The following MYOM3 variants were observed in gnomAD, a reference collection of about 807,000 sequenced individuals.
The protein encoded by MYOM3 is myomesin-3.
Under a neutral mutation model 191.7 loss-of-function variants are expected in MYOM3, and 155 were observed. That is an observed-to-expected ratio of 0.81 (90% CI 0.71 to 0.92). The LOEUF (loss-of-function observed/expected upper bound fraction) is 0.92, where lower values mean the gene tolerates loss of function less well. Among genes scored for constraint, MYOM3 ranks in the 40% least tolerant of loss-of-function variants. The pLI is 0.00. For synonymous variants in MYOM3, 757 were observed against 762.9 expected (o/e 0.99, Z 0.13); for missense variants, 1,889 against 1,890.6 (o/e 1.00, Z 0.02).
intron 15 of MYOM3, 82 bp from the exon 16 acceptor site, chr1:24,084,721 G>GCTCCTTCTGGCCTCTCCCC: frequency 7.6e-7 from 1 of 1,309,850 alleles, no homozygotes; most frequent in Non-Finnish European, 1.1e-6. Context: ...AGCATGGGGA[G>GCTCCTTCTGGCCTCTCCCC]AGGCCAGAAG....
intron 27 of MYOM3, 39 bp from the exon 28 acceptor site, chr1:24,067,127 C>G: frequency 1.3e-6 from 2 of 1,550,784 alleles, no homozygotes; most frequent in Non-Finnish European, 1.7e-6. Flanking sequence ...GTCAGAGAGC[C>G]AGGCTCAGCC....
intron 22 of MYOM3, among the ~76,000 whole-genome samples, chr1:24,074,758 T>A (rs373996664): frequency 6.6e-6 from 1 of 152,178 alleles, no homozygotes; most frequent in African/African-American, 2.4e-5. Flanking sequence ...TAGAGGCACA[T>A]ACAATTCCCT....
intron 14 of MYOM3, 73 bp from the exon 15 acceptor site, chr1:24,086,900 T>C (rs1367674609): frequency 6.8e-7 from 1 of 1,475,778 alleles, no homozygotes; most frequent in Non-Finnish European, 9.3e-7. Context: ...CCTCCCATGA[T>C]CTCTGTCCCC....
chr1:24,086,093 T>C (rs1336149319), intron 15 of MYOM3, among the ~76,000 whole-genome samples: 1 of 152,000 alleles, frequency 6.6e-6, no homozygotes, highest in African/African-American at 2.4e-5. Flanking sequence ...CAGTTGCAGT[T>C]GGGAGACTCA....
At chr1:24,070,092 A>G (rs2148545518) in intron 25 of MYOM3, among the ~76,000 whole-genome samples, 1 of 152,378 alleles carries the variant, frequency 6.6e-6, no homozygotes, top group East Asian at 1.9e-4. Context: ...ATGATTTACA[A>G]AATAATATAC....
chr1:24,090,029 T>C (rs758119579), intron 13 of MYOM3, 36 bp downstream of exon 13: 3 of 1,603,312 alleles, frequency 1.9e-6, no homozygotes, highest in East Asian at 2.2e-5. Flanking sequence ...TTGAGAACTA[T>C]ACAGGAGGCC....
Position 24,097,973 on chromosome 1 carries a change from A to T in MYOM3, c.695T>A (p.Val232Glu). 1 of 1,613,930 alleles carries T rather than the reference A, an allele frequency of 6.2e-7. No homozygotes were observed. Among genetic ancestry groups the T allele is most frequent in the East Asian group, 2.2e-5 (1 of 44,880 alleles). Residue 232 changes from valine (V) to glutamate (E), a missense_variant, in exon 7 of 37, where the codon GTG becomes GAG. Transcript: ENST00000374434. ...GGAGGCCTGGCCGTGGGCGTTCTTC[A>T]CTCGCACAGTGTAAGTTGCTGAGTC... ...IEDSATYTVR[V>E]KNAHGQASSF... is the part of the protein sequence containing the mutation.
chr1:24,090,250 G>C, intron 12 of MYOM3, 132 bp from the exon 13 acceptor site: 1 of 714,860 alleles, frequency 1.4e-6, no homozygotes, highest in Non-Finnish European at 2.5e-6. Context: ...TGCAACCTCA[G>C]ACAGGTGCCC....
At position 24,084,652 on chromosome 1, in the gene MYOM3, A is replaced by G. The variant is rs1643714493; in HGVS notation, c.1799-13T>C. 1 of 1,603,742 alleles carries G rather than the reference A, an allele frequency of 6.2e-7. No individual in the cohort carries two copies. Among genetic ancestry groups the G allele is most frequent in the African/African-American group, 1.3e-5 (1 of 74,576 alleles). Reference sequence around the variant, plus strand: ...GGAGGGAGGGTAGCTAAAAAATAGAAACATGGGCTGAATGAGAAGGCTGAG... The same window carrying G: ...GGAGGGAGGGTAGCTAAAAAATAGAGACATGGGCTGAATGAGAAGGCTGAG... On this transcript the variant is annotated splice_polypyrimidine_tract_variant and intron_variant, in intron 15 of 36. Coordinates refer to ENST00000374434, the MANE Select transcript of MYOM3 (RefSeq NM_152372.4).
intron 9 of MYOM3, among the ~76,000 whole-genome samples, chr1:24,093,931 G>A (rs772195577): frequency 6.6e-6 from 1 of 152,068 alleles, no homozygotes; most frequent in Non-Finnish European, 1.5e-5. Flanking sequence ...TCCAGCCGTC[G>A]TCCTCCTCCC....
rs188349893 is a variant in MYOM3, at chr1:24,063,158, G to A, written c.3738C>T (p.Asn1246=). ...ACCAGGTGGTTTTCATGTACTCCAC[G>A]TTGTAGTACTTGACCTTGCTGAAGA... is the stretch of plus-strand genomic sequence containing the variant. ...IRIFSKVKYY[N]VEYMKTTWFH... Residue 1246 remains asparagine, a synonymous_variant, in exon 32 of 37, where the codon AAC becomes AAT. Coordinates refer to ENST00000374434, the MANE Select transcript of MYOM3 (RefSeq NM_152372.4). This position sits in a 1 kb window ranked among gnomAD's most constrained non-coding sequence, Gnocchi z 4.5. 37 of 1,613,262 alleles carry A rather than the reference G, an allele frequency of 2.3e-5. No individual in the cohort carries two copies. In the East Asian group the frequency reaches 2.5e-4, roughly 11 times the overall value.
Position 24,057,189 on chromosome 1 carries a change from C to T in MYOM3, c.*175G>A, listed in dbSNP as rs74061450. ...AAGCCACTCAGGACCCCAGAAAGATCTTTGCTTCTCCACTTTGGTGCATCC... is the reference window on the plus strand; with the variant it reads ...AAGCCACTCAGGACCCCAGAAAGATTTTTGCTTCTCCACTTTGGTGCATCC... On this transcript the variant is annotated 3_prime_UTR_variant, in exon 37 of 37. Coordinates refer to ENST00000374434, the MANE Select transcript of MYOM3 (RefSeq NM_152372.4). 0.013 allele frequency: 8,938 copies of T among 665,320 alleles called. 601 individuals carry two copies. The African/African-American group carries it at 0.14, about 10-fold the overall frequency. 41.2% of individuals were successfully genotyped at this position (665,320 alleles called of 1,614,324 possible). A position where few individuals can be genotyped will look rare whatever the true frequency, so the allele number is the denominator to read the frequency against.
Position 24,111,815 on chromosome 1 carries a change from T to C in MYOM3, c.-19+216A>G, listed in dbSNP as rs373277627. On this transcript the variant is annotated intron_variant, in intron 1 of 36. Coordinates refer to ENST00000374434, the MANE Select transcript of MYOM3 (RefSeq NM_152372.4). This position sits in a 1 kb window ranked among gnomAD's most constrained non-coding sequence, Gnocchi z 4.7. Reference sequence around the variant, plus strand: ...GAAGACCCAGGGCCACACAGAACAGTGGGATGGGGCAGGGGTTTCTGGAAT... The same window carrying C: ...GAAGACCCAGGGCCACACAGAACAGCGGGATGGGGCAGGGGTTTCTGGAAT... 5.3e-5 allele frequency among the ~76,000 whole-genome samples: 8 copies of C among 150,982 alleles called. No individual in the cohort carries two copies. In the East Asian group the frequency reaches 1.6e-3, roughly 29 times the overall value.
intron 16 of MYOM3, chr1:24,083,143 G>A (rs947566542): frequency 1.3e-5 from 2 of 154,216 alleles, no homozygotes; most frequent in African/African-American, 4.8e-5. Context: ...GTCATCCAGA[G>A]ACACGCAAGG....
intron 5 of MYOM3, among the ~76,000 whole-genome samples, chr1:24,101,927 G>A (rs12136328): frequency 0.32 from 48,546 of 151,958 alleles, 8,320 homozygotes; most frequent in Non-Finnish European, 0.37. Flanking sequence ...TAGGGGCTGA[G>A]GAGTGAGGGT....
chr1:24,103,280 G>A (rs972542098), intron 5 of MYOM3, among the ~76,000 whole-genome samples: 1 of 152,230 alleles, frequency 6.6e-6, no homozygotes, highest in African/African-American at 2.4e-5. Flanking sequence ...AGCAACTTGC[G>A]TGCGGGGATC....
rs142799431 is a variant in MYOM3, at chr1:24,064,114, C to A, written c.3580G>T (p.Asp1194Tyr). 1.9e-6 allele frequency: 3 copies of A among 1,613,964 alleles called. No individual in the cohort carries two copies. Among genetic ancestry groups the A allele is most frequent in the Non-Finnish European group, 2.5e-6 (3 of 1,180,002 alleles). Reference protein sequence around the residue: ...KGIYRAMVSDDRGEDDTILDL... With the variant: ...KGIYRAMVSDYRGEDDTILDL... ...AATATGGTGTCGTCCTCCCCTCGAT[C>A]GTCAGAAACCATCGCTCTGTAAATT... Residue 1194 changes from aspartate to tyrosine, a missense_variant, in exon 30 of 37, where the codon GAT becomes TAT. Physicochemically the swap from Asp to Tyr is radical, Grantham distance 160 (BLOSUM62 -3). Coordinates refer to ENST00000374434, the MANE Select transcript of MYOM3 (RefSeq NM_152372.4).
At chr1:24,106,755 T>TA (rs1358168868) in intron 4 of MYOM3, among the ~76,000 whole-genome samples, 1 of 151,964 alleles carries the variant, frequency 6.6e-6, no homozygotes, top group Admixed American at 6.6e-5. Context: ...TTTTAGTAGA[T>TA]ACAGGGTTTC....
At chr1:24,081,198 CA>C (rs982355770) in intron 19 of MYOM3, 131 bp downstream of exon 19, 2 of 1,194,848 alleles carry the variant, frequency 1.7e-6, no homozygotes, top group Non-Finnish European at 2.3e-6. Flanking sequence ...GTGCAAGGGC[CA>C]GGGGCCTGGG....
Sources: gnomAD v4.1 joint callset for allele counts (sites outside exome capture counted in the v4.1 genomes callset) on GRCh38, gnomAD v4.1.1 for gene constraint, Gnocchi (gnomAD v3.1) non-coding constraint, MANE v1.5 for transcripts, NCBI Gene and HGNC (gene_info 2026-07-23, HGNC 2026-07-21) for gene names.